The following ZAN variants were observed in gnomAD, a reference collection of about 807,000 sequenced individuals.
The protein encoded by ZAN is zonadhesin.
In ZAN, 260 loss-of-function variants were observed where a neutral mutation model predicts 286.2. The ratio of observed to expected loss-of-function variants is 0.91; its 90% CI spans 0.82 to 1.01. ZAN has a LOEUF of 1.01. ZAN is among the 50% of genes least tolerant of loss of function. ZAN has a pLI of 0.00. For missense variants in ZAN, 3,410 were observed against 3,639.2 expected (o/e 0.94, Z 1.62); for synonymous variants, 1,368 against 1,417.5 (o/e 0.97, Z 0.79).
chr7:100,750,864 A>G lies in ZAN; in HGVS notation c.1489A>G (p.Thr497Ala). The part of the protein sequence containing the change: ...QRPYWQNTSV[T>A]VPSGHQQPMQ... ...CCCTTACTGGCAGAACACCTCCGTC[A>G]CCGTCCCCTCAGGACACCAACAGCC... Residue 497 changes from threonine to alanine, a missense_variant, in exon 12 of 48, where the codon ACC (threonine) becomes GCC (alanine). Thr to Ala is a moderately conservative substitution (Grantham distance 58). This residue lies in a region of ZAN where 872 missense variants were observed against 938.9 expected (regional missense o/e 0.93). Transcript: ENST00000613979. The G allele has an allele frequency of 6.4e-7, 1 of 1,569,578 alleles. No homozygotes were observed. The highest frequency in any genetic ancestry group is 8.7e-7 in the Non-Finnish European group (1 of 1,155,514).
At chr7:100,766,443 T>G in intron 23 of ZAN, 82 bp from the exon 24 acceptor site, 6 of 1,464,740 alleles carry the variant, frequency 4.1e-6, no homozygotes, top group Non-Finnish European at 5.5e-6. Flanking sequence ...ACAGCTCTGG[T>G]GAGCTCTGGT....
At chr7:100,738,879 C>CTCCT (rs1562911331) in intron 7 of ZAN, among the ~76,000 whole-genome samples, 30 of 42,364 alleles carry the variant, frequency 7.1e-4, no homozygotes, top group East Asian at 2.0e-3. Context: ...CTTCTTCTCC[C>CTCCT]TCTCCCTCTC....
At chr7:100,770,558 A>G (rs1810307451) in intron 28 of ZAN, among the ~76,000 whole-genome samples, 1 of 149,056 alleles carries the variant, frequency 6.7e-6, no homozygotes, top group Admixed American at 6.7e-5. Flanking sequence ...TATGTAGCCC[A>G]GGCTGTTCTC....
chr7:100,761,865 G>T (rs1258735111), intron 19 of ZAN, among the ~76,000 whole-genome samples: 2 of 151,792 alleles, frequency 1.3e-5, no homozygotes, highest in Non-Finnish European at 2.9e-5. Flanking sequence ...CTAGAACCCG[G>T]GAGGTGGAGG....
In ZAN at chr7:100,750,633, T is replaced by C; in HGVS notation, c.1258T>C (p.Tyr420His). The C allele has an allele frequency of 6.2e-7, 1 of 1,613,280 alleles. No homozygotes were observed. Among genetic ancestry groups the C allele is most frequent in the Non-Finnish European group, 8.5e-7 (1 of 1,179,656 alleles). The change falls in exon 12 of 48, where the codon TAT becomes CAT. Residue 420 changes from tyrosine (Y) to histidine (H), a missense_variant. Coordinates refer to ENST00000613979, the MANE Select transcript of ZAN (RefSeq NM_003386.3). ...AGGFPNAGGH[Y>H]IYLEADEFSQ... is the part of the protein sequence containing the mutation. ...TCCCTTCCTTTGCCTAGGGGGTCACTATATCTACCTTGAGGCTGACGAGTT... is the reference window on the plus strand; with the variant it reads ...TCCCTTCCTTTGCCTAGGGGGTCACCATATCTACCTTGAGGCTGACGAGTT...
chr7:100,797,553 T>C (rs769045356), intron 46 of ZAN, 24 bp from the exon 47 acceptor site: 2 of 1,613,656 alleles, frequency 1.2e-6, no homozygotes, highest in Non-Finnish European at 1.7e-6. Flanking sequence ...TGGGGACCCA[T>C]GTCTATTCCC....
chr7:100,784,516 T>TC, intron 35 of ZAN, 107 bp from the exon 36 acceptor site: 1 of 1,071,110 alleles, frequency 9.3e-7, no homozygotes, highest in East Asian at 2.5e-5. Context: ...CAAAAAAAGC[T>TC]CCCCAAGCCT....
Position 100,752,469 on chromosome 7 carries a change from C to T in ZAN, c.2364C>T (p.Thr788=), listed in dbSNP as rs756997220. The change falls in exon 14 of 48, where the codon ACC becomes ACT. Residue 788 remains threonine, a synonymous_variant. Transcript: ENST00000613979. ...CCACCATCCCCACAGAAAAACCCAC[C>T]ATTCCCACAGAAAAACCCACCATCT... ...EKPTIPTEKP[T]IPTEKPTIST... 6.2e-7 allele frequency: 1 copy of T among 1,601,350 alleles called. No individual in the cohort carries two copies. The highest frequency in any genetic ancestry group is 1.4e-5 in the African/African-American group (1 of 73,584).
intron 44 of ZAN, 40 bp downstream of exon 44, chr7:100,794,298 C>A: frequency 6.4e-7 from 1 of 1,552,330 alleles, no homozygotes; most frequent in Non-Finnish European, 8.7e-7. Flanking sequence ...CTGCCCCATG[C>A]CCTGGGGCGT....
rs1219753345 is a variant in ZAN at position 100,784,695 on chromosome 7, A to T, written c.6695A>T (p.Asp2232Val). Residue 2232 changes from aspartate to valine, a missense_variant, in exon 36 of 48, where the codon GAT (aspartate) becomes GTT (valine). Transcript: ENST00000613979. ...TGCTCACCCTCCTGCTGGGACCTGG[A>T]TGGCCGGTGTGAGGGCGCCAAAGTC... The part of the protein sequence containing the change: ...PSCSPSCWDL[D>V]GRCEGAKVPS... 32 of 1,613,772 alleles carry T rather than the reference A, an allele frequency of 2.0e-5. No homozygotes were observed. The highest frequency in any genetic ancestry group is 2.5e-5 in the Non-Finnish European group (29 of 1,179,874).
intron 11 of ZAN, among the ~76,000 whole-genome samples, chr7:100,749,661 T>A (rs375766427): frequency 0.037 from 4,757 of 128,874 alleles, 267 homozygotes; most frequent in South Asian, 0.078. Flanking sequence ...AATATATATA[T>A]ATATATATAT....
rs73411103 is a variant in ZAN at position 100,760,379 on chromosome 7, C to T, written c.3697-12C>T. ...AGCTCTGTCTGTCTCTTGCCTCTGC[C>T]CTGCCTTCCAGGTTGGGGGTCAGCA... On this transcript the variant is annotated splice_polypyrimidine_tract_variant and intron_variant, in intron 18 of 47. Coordinates refer to ENST00000613979, the MANE Select transcript of ZAN (RefSeq NM_003386.3). 812 of 1,613,394 alleles carry T rather than the reference C, an allele frequency of 5.0e-4. 6 individuals carry two copies. The African/African-American group carries it at 9.9e-3, about 20-fold the overall frequency.
chr7:100,792,698 C>T (rs911198089), intron 42 of ZAN, among the ~76,000 whole-genome samples: 1 of 152,128 alleles, frequency 6.6e-6, no homozygotes, highest in Non-Finnish European at 1.5e-5. Context: ...TCAGCACAAC[C>T]GGCAGCCTGG....
intron 17 of ZAN, among the ~76,000 whole-genome samples, chr7:100,759,157 G>A (rs960204786): frequency 1.3e-5 from 2 of 151,988 alleles, no homozygotes; most frequent in African/African-American, 2.4e-5. Flanking sequence ...CCTGGGAGGC[G>A]GAGGTTGCAG....
chr7:100,737,479 G>A, intron 6 of ZAN, 130 bp downstream of exon 6: 1 of 613,382 alleles, frequency 1.6e-6, no homozygotes, highest in Non-Finnish European at 2.7e-6. Context: ...GGCCGAGGCG[G>A]GCGGATCACG....
chr7:100,772,201 A>G (rs1174310086), intron 29 of ZAN, among the ~76,000 whole-genome samples, 181 bp downstream of exon 29: 2 of 150,074 alleles, frequency 1.3e-5, no homozygotes, highest in South Asian at 2.1e-4. Context: ...TCAAGCCAAG[A>G]TGGGTGAATC....
At chr7:100,772,362 A>G (rs886999739) in intron 29 of ZAN, among the ~76,000 whole-genome samples, 1 of 149,036 alleles carries the variant, frequency 6.7e-6, no homozygotes, top group Non-Finnish European at 1.5e-5. Flanking sequence ...CCTGGGAGGC[A>G]GAGGTTGCAG....
Position 100,753,311 on chromosome 7 carries a change from G to T in ZAN, c.3124+82G>T, listed in dbSNP as rs1180398664. 4 of 1,421,690 alleles carry T rather than the reference G, an allele frequency of 2.8e-6. No homozygotes were observed. The African/African-American group carries it at 5.7e-5, about 20-fold the overall frequency. The allele number at this position is 1,421,690 out of a possible 1,614,324, so 88.1% of individuals were successfully genotyped here. On this transcript the variant is annotated intron_variant, in intron 14 of 47. Transcript: ENST00000613979. ...ACAGTCAGGGAAAGGGATGCTTCTG[G>T]TAGAAGCCTTCTAGTTGCTTCTAGA...
chr7:100,794,043 T>G (rs778393242), intron 43 of ZAN, 25 bp downstream of exon 43: 8 of 1,612,526 alleles, frequency 5.0e-6, no homozygotes, highest in Non-Finnish European at 6.8e-6. Context: ...CAGGAGGCCC[T>G]GGGGAGCAGA....
Sources: allele counts gnomAD v4.1 joint callset (sites outside exome capture counted in the v4.1 genomes callset), GRCh38; gene constraint gnomAD v4.1.1; regional missense constraint gnomAD v4.1.1; transcripts MANE v1.5; gene names NCBI Gene and HGNC (gene_info 2026-07-23, HGNC 2026-07-21).